The following DYNLRB1 variants were observed in gnomAD, a reference collection of about 807,000 sequenced individuals.
DYNLRB1 encodes the protein ROBL/LC7-like 1.
DYNLRB1 carries 6 observed loss-of-function variants against 13.5 expected under a neutral mutation model. The observed-to-expected ratio is 0.44, with a 90% CI of 0.24 to 0.88. The LOEUF (loss-of-function observed/expected upper bound fraction) is 0.88. Among genes scored for constraint, DYNLRB1 ranks in the 40% least tolerant of loss-of-function variants. The pLI is 0.21. For synonymous variants in DYNLRB1, 43 were observed against 45.0 expected (o/e 0.96, Z 0.18); for missense variants, 93 against 127.2 (o/e 0.73, Z 1.29).
chr20:34,518,360 A>C (rs1979432628), intron 1 of DYNLRB1, among the ~76,000 whole-genome samples: 1 of 152,080 alleles, frequency 6.6e-6, no homozygotes, highest in Non-Finnish European at 1.5e-5. Context: ...TTGTGGTTCC[A>C]TACGAATTTT....
Position 34,540,775 on chromosome 20 carries a change from C to A in DYNLRB1, c.*151C>A, listed in dbSNP as rs1283843271. 3 of 736,874 alleles carry A rather than the reference C, an allele frequency of 4.1e-6. No homozygotes were observed. The highest frequency in any genetic ancestry group is 3.6e-5 in the African/African-American group (2 of 55,388). 45.6% of individuals were successfully genotyped at this position (736,874 alleles called of 1,614,324 possible). On this transcript the variant is annotated 3_prime_UTR_variant, in exon 4 of 4. Transcript: ENST00000357156. ...TGTGTGGGCTGGCGGCTCTTCTCCC[C>A]CACCAACGGAACCCCTGTGTGCACC... is the stretch of plus-strand genomic sequence containing the variant.
chr20:34,534,442 TAGTTCTAGGGCATGGCACTGGCATGCTTC>T (rs763220203), intron 2 of DYNLRB1, among the ~76,000 whole-genome samples, 157 bp from the exon 3 acceptor site: 133 of 152,100 alleles, frequency 8.7e-4, no homozygotes, highest in Non-Finnish European at 1.6e-3. Context: ...ACCCACAGAG[TAGTTCTAGGGCATGGCACTGGCATGCTTC>T]GGGTGCTCAG....
chr20:34,526,490 T>C (rs1980231860), intron 2 of DYNLRB1, 147 bp downstream of exon 2: 2 of 639,368 alleles, frequency 3.1e-6, no homozygotes, highest in East Asian at 2.9e-5. Flanking sequence ...GTGTTCTTTT[T>C]TTTTTTTTTT....
Position 34,540,779 on chromosome 20 carries a change from C to G in DYNLRB1, c.*155C>G, listed in dbSNP as rs1013880788. On this transcript the variant is annotated 3_prime_UTR_variant, in exon 4 of 4. Coordinates refer to ENST00000357156, the MANE Select transcript of DYNLRB1 (RefSeq NM_014183.4). ...TGGGCTGGCGGCTCTTCTCCCCCACCAACGGAACCCCTGTGTGCACCAACC... is the reference window on the plus strand; with the variant it reads ...TGGGCTGGCGGCTCTTCTCCCCCACGAACGGAACCCCTGTGTGCACCAACC... 1 of 705,336 alleles carries G rather than the reference C, an allele frequency of 1.4e-6. No individual in the cohort carries two copies. Among genetic ancestry groups the G allele is most frequent in the Admixed American group, 3.1e-5 (1 of 32,540 alleles). The allele number at this position is 705,336 out of a possible 1,614,324, so 43.7% of individuals were successfully genotyped here.
At chr20:34,521,237 C>T (rs1344272345) in intron 1 of DYNLRB1, among the ~76,000 whole-genome samples, 1 of 152,170 alleles carries the variant, frequency 6.6e-6, no homozygotes, top group Middle Eastern at 3.2e-3. Flanking sequence ...GTCTCAAACT[C>T]CTGACCTCAA....
intron 1 of DYNLRB1, among the ~76,000 whole-genome samples, chr20:34,518,148 C>T (rs1228186866): frequency 4.0e-5 from 6 of 148,682 alleles, no homozygotes; most frequent in Non-Finnish European, 7.4e-5. Flanking sequence ...TTTGTTTTTT[C>T]GATGCCTTTG....
chr20:34,530,252 G>A, intron 2 of DYNLRB1: 3 of 1,052,026 alleles, frequency 2.9e-6, no homozygotes, highest in Non-Finnish European at 3.4e-6. Flanking sequence ...CTGCTTTTTT[G>A]TATACTCATG....
rs11537532 is a variant in DYNLRB1, at chr20:34,534,689, C to T, written c.141C>T (p.His47=). 8.5e-4 allele frequency: 1,361 copies of T among 1,605,736 alleles called. 17 individuals are homozygous for T. The African/African-American group carries it at 0.015, about 18-fold the overall frequency. The change falls in exon 3 of 4, where the codon CAC becomes CAT. Residue 47 remains histidine (H), a synonymous_variant. Transcript: ENST00000357156. ...CCACCCAGTATGCCAGCCTCATGCA[C>T]AGCTTCATCCTGAAGGCACGGAGCA... ...PTTTQYASLM[H]SFILKARSTV...
At chr20:34,515,812 C>A (rs1979125857), upstream of DYNLRB1, among the ~76,000 whole-genome samples, 1 of 152,150 alleles carries the variant, frequency 6.6e-6, no homozygotes, top group Non-Finnish European at 1.5e-5. Context: ...CCAGCTTAGA[C>A]CTCCATTGAG....
At chr20:34,531,429 G>A (rs1980706350) in intron 2 of DYNLRB1, among the ~76,000 whole-genome samples, 2 of 152,350 alleles carry the variant, frequency 1.3e-5, no homozygotes, top group Middle Eastern at 3.4e-3. Context: ...CCAGCATCCA[G>A]TGAATCTGGA....
At chr20:34,524,824 C>T (rs1377651483) in intron 1 of DYNLRB1, among the ~76,000 whole-genome samples, 1 of 151,688 alleles carries the variant, frequency 6.6e-6, no homozygotes, top group Non-Finnish European at 1.5e-5. Context: ...CGCGGGTTCA[C>T]GCCATTCTTC....
intron 1 of DYNLRB1, among the ~76,000 whole-genome samples, chr20:34,518,196 C>T (rs1346343170): frequency 1.3e-5 from 2 of 151,146 alleles, no homozygotes; most frequent in African/African-American, 2.4e-5. Flanking sequence ...GGATTTATTT[C>T]TGGGTCCTCT....
upstream of DYNLRB1, among the ~76,000 whole-genome samples, chr20:34,515,638 G>A (rs760436814): frequency 2.2e-5 from 1 of 46,386 alleles, no homozygotes; most frequent in Non-Finnish European, 4.1e-5. Flanking sequence ...CTTACCCGGA[G>A]ACTCGAGGTA....
chr20:34,520,636 A>G lies in DYNLRB1; in HGVS notation c.3+4175A>G, dbSNP rs1191600416. 2.0e-5 allele frequency among the ~76,000 whole-genome samples: 3 copies of G among 152,190 alleles called. No homozygotes were observed. In the South Asian group the frequency reaches 6.2e-4, roughly 32 times the overall value. ...CTAATTTTTGTATTTTTTAGTAGAA[A>G]CAGGGTTTCGCCATGTTGGCCAGGC... is the stretch of plus-strand genomic sequence containing the variant. On this transcript the variant is annotated intron_variant, in intron 1 of 3. Coordinates refer to ENST00000357156, the MANE Select transcript of DYNLRB1 (RefSeq NM_014183.4).
Position 34,516,446 on chromosome 20 carries a change from G to T in DYNLRB1, c.-13G>T. The T allele has an allele frequency of 6.2e-7, 1 of 1,609,054 alleles. No homozygotes were observed. The highest frequency in any genetic ancestry group is 2.2e-5 in the East Asian group (1 of 44,822). ...TAAGTGTTCGCTACGCGGGGCTACC[G>T]GATCGGTCGGAAATGGTGAGCGTGC... is the stretch of plus-strand genomic sequence containing the variant. On this transcript the variant is annotated 5_prime_UTR_variant, in exon 1 of 4. Coordinates refer to ENST00000357156, the MANE Select transcript of DYNLRB1 (RefSeq NM_014183.4).
intron 1 of DYNLRB1, among the ~76,000 whole-genome samples, chr20:34,517,535 A>G (rs911137472): frequency 6.6e-6 from 1 of 152,132 alleles, no homozygotes; most frequent in South Asian, 2.1e-4. Flanking sequence ...GTAGATATAC[A>G]TGTAATATTT....
chr20:34,530,082 A>G (rs1300089137), intron 2 of DYNLRB1: 5 of 1,238,570 alleles, frequency 4.0e-6, no homozygotes, highest in Non-Finnish European at 5.0e-6. Flanking sequence ...TTTTGACTCC[A>G]AGGAGACAAC....
At chr20:34,534,200 T>C (rs1422958156) in intron 2 of DYNLRB1, among the ~76,000 whole-genome samples, 1 of 152,246 alleles carries the variant, frequency 6.6e-6, no homozygotes, top group African/African-American at 2.4e-5. Flanking sequence ...TCTCTCTTTT[T>C]TTGGACAAAA....
chr20:34,523,436 G>A (rs889376874), intron 1 of DYNLRB1, among the ~76,000 whole-genome samples: 6 of 152,132 alleles, frequency 3.9e-5, no homozygotes, highest in Non-Finnish European at 5.9e-5. Context: ...GTCTGGTCCC[G>A]GATCCCAGCT....
Sources: gnomAD v4.1 joint callset for allele counts (sites outside exome capture counted in the v4.1 genomes callset) on GRCh38, gnomAD v4.1.1 for gene constraint, MANE v1.5 for transcripts, NCBI Gene and HGNC (gene_info 2026-07-23, HGNC 2026-07-21) for gene names.